DACH2: variants seen among roughly 807,000 people sequenced by gnomAD.
DACH2 encodes dachshund family transcription factor 2.
Under a neutral mutation model 35.8 loss-of-function variants are expected in DACH2, and 17 were observed. The ratio of observed to expected loss-of-function variants is 0.48; its 90% CI spans 0.33 to 0.71. The LOEUF is 0.71. DACH2 is among the 30% of genes least tolerant of loss of function. The probability of loss-of-function intolerance (pLI) is 0.02; values close to 1 mark genes in which losing one functional copy is unlikely to be tolerated. For missense variants in DACH2, 469 were observed against 472.7 expected (o/e 0.99, Z 0.07); for synonymous variants, 195 against 177.3 (o/e 1.10, Z -0.79).
At chrX:86,787,213 T>G (rs1395687121) in intron 7 of DACH2, among the ~76,000 whole-genome samples, 2 of 112,260 alleles carry the variant, frequency 1.8e-5, no homozygotes, top group East Asian at 5.6e-4. Context: ...GCACCAAATT[T>G]TAGTGTCAAC....
chrX:86,239,970 A>G (rs2033131410), intron 1 of DACH2, among the ~76,000 whole-genome samples: 1 of 112,110 alleles, frequency 8.9e-6, no homozygotes, highest in Non-Finnish European at 1.9e-5. Context: ...TTCAGTGAAC[A>G]TGTGTAGGTG....
At chrX:86,262,743 G>T (rs1453545059) in intron 1 of DACH2, among the ~76,000 whole-genome samples, 5 of 112,109 alleles carry the variant, frequency 4.5e-5, no homozygotes, top group African/African-American at 1.6e-4. Context: ...CAGCAAAGCA[G>T]TTGAACTACA....
chrX:86,815,687 C>A (rs1205002528), intron 10 of DACH2, among the ~76,000 whole-genome samples: 2 of 105,736 alleles, frequency 1.9e-5, no homozygotes, highest in Non-Finnish European at 3.9e-5. Context: ...TATTATCAAT[C>A]ACATCTTACA....
intron 5 of DACH2, among the ~76,000 whole-genome samples, chrX:86,708,189 A>C (rs2041240759): frequency 9.0e-6 from 1 of 110,500 alleles, no homozygotes; most frequent in African/African-American, 3.3e-5. Flanking sequence ...CATCTTACTC[A>C]ATGGTGAAAA....
intron 1 of DACH2, among the ~76,000 whole-genome samples, chrX:86,162,603 A>C (rs1001554400): frequency 9.0e-6 from 1 of 111,446 alleles, no homozygotes; most frequent in African/African-American, 3.2e-5. Flanking sequence ...ATAAAAAGAA[A>C]AAAAACTGAA....
chrX:86,594,171 T>A (rs1038221682), intron 3 of DACH2, among the ~76,000 whole-genome samples: 7 of 111,309 alleles, frequency 6.3e-5, no homozygotes, highest in Non-Finnish European at 1.3e-4. Context: ...TTTAAAATTG[T>A]TTTTAGGAAC....
chrX:86,186,964 T>A (rs1313389151), intron 1 of DACH2, among the ~76,000 whole-genome samples: 1 of 111,939 alleles, frequency 8.9e-6, no homozygotes, highest in Non-Finnish European at 1.9e-5. Flanking sequence ...CTTATTAAAG[T>A]CAAATTGGCA....
chrX:86,499,338 A>G (rs1160096940), intron 2 of DACH2, among the ~76,000 whole-genome samples: 1 of 111,580 alleles, frequency 9.0e-6, no homozygotes, highest in Non-Finnish European at 1.9e-5. Flanking sequence ...ACCCATTCCA[A>G]TCATTCCAAT....
intron 7 of DACH2, among the ~76,000 whole-genome samples, chrX:86,801,044 T>C (rs886550110): frequency 9.0e-6 from 1 of 111,357 alleles, no homozygotes; most frequent in African/African-American, 3.3e-5. Context: ...GTGCTTTGCC[T>C]TGTTAATTAA....
chrX:86,301,722 G>T (rs776228204), intron 1 of DACH2, among the ~76,000 whole-genome samples: 2 of 111,972 alleles, frequency 1.8e-5, no homozygotes, highest in South Asian at 7.4e-4. Flanking sequence ...AGTCATAATT[G>T]CATAATGTAC....
chrX:86,782,430 T>TTAAA (rs1252545398), intron 7 of DACH2, among the ~76,000 whole-genome samples: 1 of 111,374 alleles, frequency 9.0e-6, no homozygotes, highest in African/African-American at 3.3e-5. Flanking sequence ...TACAATTAAG[T>TTAAA]TTGTAAGAAC....
intron 3 of DACH2, among the ~76,000 whole-genome samples, chrX:86,545,975 T>G (rs1226627883): frequency 8.9e-6 from 1 of 112,186 alleles, no homozygotes; most frequent in Admixed American, 9.5e-5. Context: ...ATAGATGGTT[T>G]ACAAGGCTGT....
intron 1 of DACH2, among the ~76,000 whole-genome samples, chrX:86,238,686 G>A (rs745354268): frequency 1.3e-4 from 14 of 110,112 alleles, no homozygotes; most frequent in Non-Finnish European, 1.7e-4. Flanking sequence ...AAGCAATTCA[G>A]ATATAATAAT....
At chrX:86,151,877 G>A (rs1046404224) in intron 1 of DACH2, among the ~76,000 whole-genome samples, 3 of 110,859 alleles carry the variant, frequency 2.7e-5, no homozygotes, top group South Asian at 7.6e-4. Flanking sequence ...CGAGGCCAGT[G>A]AGAGAGTAGA....
At chrX:86,707,585 A>G (rs2041229846) in intron 5 of DACH2, among the ~76,000 whole-genome samples, 1 of 111,272 alleles carries the variant, frequency 9.0e-6, no homozygotes, top group Non-Finnish European at 1.9e-5. Context: ...AAAATCCTGA[A>G]AACAGAATAG....
chrX:86,236,410 C>A (rs749873053), intron 1 of DACH2, among the ~76,000 whole-genome samples: 1 of 111,897 alleles, frequency 8.9e-6, no homozygotes, highest in African/African-American at 3.2e-5. Context: ...CAAGCCCATA[C>A]GTTATATATT....
chrX:86,317,156 G>A (rs183841534), intron 1 of DACH2, among the ~76,000 whole-genome samples: 23 of 109,128 alleles, frequency 2.1e-4, no homozygotes, highest in Admixed American at 2.1e-3. Flanking sequence ...CCAAATGTGA[G>A]TATTAAGACT....
At chrX:86,427,558 T>A (rs911553269) in intron 2 of DACH2, among the ~76,000 whole-genome samples, 4 of 111,383 alleles carry the variant, frequency 3.6e-5, no homozygotes, top group Non-Finnish European at 5.7e-5. Flanking sequence ...TTAGAGACTA[T>A]GGCTCCTTAT....
intron 1 of DACH2, chrX:86,304,568 G>A (rs1245574497): frequency 6.3e-6 from 1 of 157,493 alleles, no homozygotes; most frequent in African/African-American, 3.1e-5. Context: ...CGATAACCAG[G>A]CTGGATATCC....
Sources: allele counts gnomAD v4.1 joint callset (sites outside exome capture counted in the v4.1 genomes callset), GRCh38; gene constraint gnomAD v4.1.1; transcripts MANE v1.5; gene names NCBI Gene and HGNC (gene_info 2026-07-23, HGNC 2026-07-21).